The following CIP2A variants were observed in gnomAD, a reference collection of about 807,000 sequenced individuals.
CIP2A encodes the protein protein CIP2A.
CIP2A carries 103 observed loss-of-function variants against 110.9 expected under a neutral mutation model. The ratio of observed to expected loss-of-function variants is 0.93; its 90% confidence interval spans 0.79 to 1.09. The LOEUF is 1.09. Ranked by LOEUF, CIP2A falls within the 50% of genes least tolerant of loss-of-function variation. The pLI is 0.00. For missense variants in CIP2A, 1,088 were observed against 1,038.4 expected (o/e 1.05, Z -0.66); for synonymous variants, 381 against 361.6 (o/e 1.05, Z -0.61).
chr3:108,587,759 C>T (rs973298660), intron 1 of CIP2A, among the ~76,000 whole-genome samples: 3 of 152,064 alleles, frequency 2.0e-5, no homozygotes, highest in African/African-American at 4.8e-5. Context: ...AGACCCCATC[C>T]CATATTTTGT....
At chr3:108,572,744 C>T (rs1938441375) in intron 8 of CIP2A, among the ~76,000 whole-genome samples, 1 of 143,266 alleles carries the variant, frequency 7.0e-6, no homozygotes, top group South Asian at 2.4e-4. Context: ...TTTCTATACT[C>T]TCACGTCATC....
intron 8 of CIP2A, 21 bp downstream of exon 8, chr3:108,576,250 A>G: frequency 1.4e-6 from 2 of 1,462,644 alleles, no homozygotes; most frequent in Non-Finnish European, 1.8e-6. Flanking sequence ...AGTTTAAATG[A>G]AAAGTCATGT....
At chr3:108,573,342 C>T (rs976086986) in intron 8 of CIP2A, among the ~76,000 whole-genome samples, 4 of 151,988 alleles carry the variant, frequency 2.6e-5, no homozygotes, top group Admixed American at 2.6e-4. Flanking sequence ...TAAAAAAAGA[C>T]ACTCAACTAT....
intron 11 of CIP2A, 53 bp from the exon 12 acceptor site, chr3:108,565,507 T>G: frequency 1.1e-6 from 1 of 941,490 alleles, no homozygotes; most frequent in South Asian, 1.6e-5. Flanking sequence ...TCTTAGAGCT[T>G]GTTTCTGTCC....
chr3:108,576,174 C>A, intron 8 of CIP2A, 97 bp downstream of exon 8: 1 of 660,484 alleles, frequency 1.5e-6, no homozygotes, highest in South Asian at 2.1e-5. Context: ...ATACAGAAAT[C>A]TGTGCATTTG....
At chr3:108,579,223 C>A in intron 7 of CIP2A, 58 bp downstream of exon 7, 8 of 1,291,702 alleles carry the variant, frequency 6.2e-6, no homozygotes, top group Non-Finnish European at 1.1e-6. Context: ...CTGTTTATAA[C>A]CAACACATCT....
rs1254622231 is a variant in CIP2A at position 108,550,777 on chromosome 3, A to G, written c.*372T>C. 3 of 152,900 alleles carry G rather than the reference A, an allele frequency of 2.0e-5. No individual in the cohort carries two copies. In the Admixed American group the frequency reaches 2.0e-4, roughly 10 times the overall value. 9.5% of individuals were successfully genotyped at this position (152,900 alleles called of 1,614,324 possible). On this transcript the variant is annotated 3_prime_UTR_variant, in exon 21 of 21. Coordinates refer to ENST00000295746, the MANE Select transcript of CIP2A (RefSeq NM_020890.3). ...TAATCTTTAGGACTGTTATACCAAG[A>G]AAGTTTGGTCTTAAGATCTAAATAA...
At chr3:108,564,341 C>G (rs1938109931) in intron 12 of CIP2A, among the ~76,000 whole-genome samples, 1 of 151,958 alleles carries the variant, frequency 6.6e-6, no homozygotes, top group South Asian at 2.1e-4. Flanking sequence ...TCAGTTTTGG[C>G]TTCTACACTG....
chr3:108,554,597 G>T, intron 17 of CIP2A, 108 bp from the exon 18 acceptor site: 1 of 557,442 alleles, frequency 1.8e-6, no homozygotes, highest in Non-Finnish European at 3.2e-6. Flanking sequence ...AATTGCATAT[G>T]CTGGAAGAGA....
In CIP2A at chr3:108,579,675, G is replaced by A; in HGVS notation, c.563C>T (p.Ser188Phe). The stretch of plus-strand genomic sequence containing the variant: ...CAAGGTGATAAGAGTTCGATAAAAA[G>A]ATTTCACATTACTCTGAGGAAAAAA... ...THIKTLSNVK[S>F]FYRTLITLLA... The change falls in exon 6 of 21, where the codon TCT becomes TTT. Residue 188 changes from serine (S) to phenylalanine (F), a missense_variant. Coordinates refer to ENST00000295746, the MANE Select transcript of CIP2A (RefSeq NM_020890.3). 1 of 1,560,084 alleles carries A rather than the reference G, an allele frequency of 6.4e-7. No individual in the cohort carries two copies. The highest frequency in any genetic ancestry group is 8.6e-7 in the Non-Finnish European group (1 of 1,157,846).
chr3:108,589,000 C>G (rs888943831), intron 1 of CIP2A, among the ~76,000 whole-genome samples: 1 of 152,134 alleles, frequency 6.6e-6, no homozygotes, highest in African/African-American at 2.4e-5. Context: ...AGATAAAGTT[C>G]CGAGCTTTTT....
chr3:108,585,623 A>G (rs531997955), intron 1 of CIP2A: 3 of 453,596 alleles, frequency 6.6e-6, no homozygotes, highest in Admixed American at 2.4e-5. Context: ...CTCTAGTACC[A>G]ATATATTTAC....
intron 8 of CIP2A, chr3:108,575,190 A>G (rs1378011203): frequency 6.6e-6 from 1 of 152,136 alleles, no homozygotes; most frequent in Non-Finnish European, 1.5e-5. Flanking sequence ...CATTATGTTG[A>G]ACCAAAGAAA....
intron 8 of CIP2A, among the ~76,000 whole-genome samples, chr3:108,573,161 A>T (rs1307824604): frequency 6.6e-6 from 1 of 151,996 alleles, no homozygotes; most frequent in African/African-American, 2.4e-5. Flanking sequence ...ATAAGACATG[A>T]TCCTTTTTAT....
intron 13 of CIP2A, among the ~76,000 whole-genome samples, chr3:108,561,368 G>C (rs1198472791): frequency 1.3e-5 from 2 of 152,118 alleles, no homozygotes; most frequent in African/African-American, 4.8e-5. Flanking sequence ...AGTGCAAACT[G>C]CAAGATGGCA....
intron 1 of CIP2A, among the ~76,000 whole-genome samples, chr3:108,586,677 T>C (rs1384233115): frequency 1.3e-5 from 2 of 152,216 alleles, no homozygotes; most frequent in Non-Finnish European, 2.9e-5. Context: ...TATTTTGTTT[T>C]GCAGATGAGT....
intron 19 of CIP2A, 119 bp from the exon 20 acceptor site, chr3:108,552,492 CTCTTA>C (rs930505415): frequency 3.7e-6 from 2 of 534,512 alleles, no homozygotes; most frequent in African/African-American, 2.0e-5. Flanking sequence ...AGAGAAACTT[CTCTTA>C]TGACAGTATT....
chr3:108,577,807 G>A (rs1938713121), intron 7 of CIP2A, among the ~76,000 whole-genome samples: 1 of 152,140 alleles, frequency 6.6e-6, no homozygotes, highest in Non-Finnish European at 1.5e-5. Flanking sequence ...GCTGAGGCAT[G>A]AGAATCACTT....
chr3:108,551,380 C>T, intron 20 of CIP2A, 61 bp from the exon 21 acceptor site: 1 of 1,236,180 alleles, frequency 8.1e-7, no homozygotes, highest in African/African-American at 1.5e-5. Context: ...TTAATGTTTT[C>T]TCTATACATA....
Sources: allele counts gnomAD v4.1 joint callset (sites outside exome capture counted in the v4.1 genomes callset), GRCh38; gene constraint gnomAD v4.1.1; transcripts MANE v1.5; gene names NCBI Gene and HGNC (gene_info 2026-07-23, HGNC 2026-07-21).